ASAH1: variants seen among roughly 807,000 people sequenced by gnomAD.
The protein encoded by ASAH1 is N-acylsphingosine amidohydrolase 1, also known as acid ceramidase.
A neutral mutation model predicts 59.5 loss-of-function variants in ASAH1; 70 were observed. The ratio of observed to expected loss-of-function variants is 1.18; its 90% CI spans 0.97 to 1.43. The LOEUF (loss-of-function observed/expected upper bound fraction) is 1.43, where lower values mean the gene tolerates loss of function less well. Ranked by LOEUF, ASAH1 falls within the 40% of genes most tolerant of loss-of-function variation. The probability of loss-of-function intolerance (pLI) is 0.00; values close to 1 mark genes in which losing one functional copy is unlikely to be tolerated. For synonymous variants in ASAH1, 213 were observed against 166.5 expected (o/e 1.28, Z -2.15); for missense variants, 660 against 482.5 (o/e 1.37, Z -3.45).
At position 18,084,104 on chromosome 8, in the gene ASAH1, G is replaced by A. The variant is rs373344409; in HGVS notation, c.-46C>T. 19 of 1,594,654 alleles carry A rather than the reference G, an allele frequency of 1.2e-5. No individual in the cohort carries two copies. Among genetic ancestry groups the A allele is most frequent in the Non-Finnish European group, 1.4e-5 (17 of 1,178,220 alleles). On this transcript the variant is annotated 5_prime_UTR_variant, in exon 1 of 14. Coordinates refer to ENST00000637790, the MANE Select transcript of ASAH1 (RefSeq NM_177924.5). Reference sequence around the variant, plus strand: ...CTCCCCGGACTCCAGCAGAGGCAAAGAAGAGCCGGCTGGGCCGGGGGCAGG... The same window carrying A: ...CTCCCCGGACTCCAGCAGAGGCAAAAAAGAGCCGGCTGGGCCGGGGGCAGG...
upstream of ASAH1, chr8:18,084,373 A>G: frequency 7.1e-7 from 1 of 1,404,022 alleles, no homozygotes; most frequent in Non-Finnish European, 9.3e-7. Context: ...ACCGAGCCGG[A>G]GCCCCGCCCC....
At position 18,056,153 on chromosome 8, in the gene ASAH1, T is replaced by G. The variant is rs1402520500; in HGVS notation, c.*1381A>C. On this transcript the variant is annotated 3_prime_UTR_variant, in exon 14 of 14. Coordinates refer to ENST00000637790, the MANE Select transcript of ASAH1 (RefSeq NM_177924.5). ...ATTTTAATGTAAATCCTCTTATAAT[T>G]CCTCGTTTCACTAAAGTAATCTTGG... 6.6e-6 allele frequency: 1 copy of G among 152,228 alleles called. No individual in the cohort carries two copies. The highest frequency in any genetic ancestry group is 1.5e-5 in the Non-Finnish European group (1 of 68,036). 9.4% of individuals were successfully genotyped at this position (152,228 alleles called of 1,614,324 possible). A position where few individuals can be genotyped will look rare whatever the true frequency, so the allele number is the denominator to read the frequency against.
At position 18,057,194 on chromosome 8, in the gene ASAH1, C is replaced by T. The variant is rs1799504595; in HGVS notation, c.*340G>A. On this transcript the variant is annotated 3_prime_UTR_variant, in exon 14 of 14. Transcript: ENST00000637790. ...ACTCACACAGACGTGCTGGATTCAA[C>T]ACCCACGCTGAATCTCCATTTATTC... 1 of 295,190 alleles carries T rather than the reference C, an allele frequency of 3.4e-6. No individual in the cohort carries two copies. Among genetic ancestry groups the T allele is most frequent in the Non-Finnish European group, 6.8e-6 (1 of 148,090 alleles). 18.3% of individuals were successfully genotyped at this position (295,190 alleles called of 1,614,324 possible). A position where few individuals can be genotyped will look rare whatever the true frequency, so the allele number is the denominator to read the frequency against.
chr8:18,067,146 T>G, intron 5 of ASAH1, 74 bp downstream of exon 5: 1 of 1,261,312 alleles, frequency 7.9e-7, no homozygotes, highest in Non-Finnish European at 1.1e-6. Context: ...GTGCTGTATG[T>G]ATATCACACC....
At chr8:18,062,070 T>G in intron 8 of ASAH1, 1 of 679,044 alleles carries the variant, frequency 1.5e-6, no homozygotes, top group Non-Finnish European at 2.5e-6. Flanking sequence ...CCACATGCTC[T>G]TTATCCCAGA....
intron 6 of ASAH1, chr8:18,063,534 G>T (rs1799800952): frequency 7.1e-6 from 2 of 280,180 alleles, no homozygotes; most frequent in Admixed American, 1.0e-4. Flanking sequence ...GGCCAGTCTG[G>T]TGTCAAACTC....
At chr8:18,075,347 G>A (rs371161378) in intron 2 of ASAH1, 194 bp downstream of exon 2, 58 of 706,720 alleles carry the variant, frequency 8.2e-5, no homozygotes, top group East Asian at 1.6e-4. Flanking sequence ...CATTTGAATC[G>A]GAAGATATTT....
intron 1 of ASAH1, among the ~76,000 whole-genome samples, chr8:18,080,042 C>T (rs1215907176): frequency 1.3e-5 from 2 of 152,184 alleles, no homozygotes; most frequent in African/African-American, 4.8e-5. Flanking sequence ...AGTAGGCAAG[C>T]AGTATTTGTT....
chr8:18,071,567 C>G lies in ASAH1; in HGVS notation c.126-177G>C, dbSNP rs535036907. ...CTACCTAGTGCTTCTAGGTTGAGAA[C>G]ACAATCATAAGCGGTCACAGAAATC... On this transcript the variant is annotated intron_variant, in intron 2 of 13. Coordinates refer to ENST00000637790, the MANE Select transcript of ASAH1 (RefSeq NM_177924.5). 2.1e-3 allele frequency among the ~76,000 whole-genome samples: 315 copies of G among 152,060 alleles called. 4 individuals are homozygous for G. In the South Asian group the frequency reaches 0.024, roughly 12 times the overall value.
chr8:18,074,524 A>G (rs939516954), intron 2 of ASAH1, among the ~76,000 whole-genome samples: 1 of 152,226 alleles, frequency 6.6e-6, no homozygotes, highest in Non-Finnish European at 1.5e-5. Context: ...ATCACTAGAT[A>G]GAGTTGTACT....
intron 10 of ASAH1, chr8:18,060,423 G>A (rs1156390298): frequency 1.3e-5 from 2 of 152,680 alleles, no homozygotes; most frequent in African/African-American, 4.8e-5. Context: ...GAAACAAAGT[G>A]GCCTCAAGAG....
chr8:18,073,147 A>C, intron 2 of ASAH1: 2 of 1,061,596 alleles, frequency 1.9e-6, no homozygotes, highest in South Asian at 1.5e-5. Flanking sequence ...TTAATGACTA[A>C]AGCTTAGCCA....
At chr8:18,079,803 T>C (rs183723757) in intron 1 of ASAH1, among the ~76,000 whole-genome samples, 3 of 152,266 alleles carry the variant, frequency 2.0e-5, no homozygotes, top group Admixed American at 1.3e-4. Flanking sequence ...TGTCCTCTTA[T>C]GTACAACTCA....
intron 2 of ASAH1, among the ~76,000 whole-genome samples, chr8:18,072,531 T>C (rs1245229186): frequency 6.6e-6 from 1 of 152,148 alleles, no homozygotes; most frequent in Non-Finnish European, 1.5e-5. Flanking sequence ...ATTTTGGAAA[T>C]GTACATTTAA....
intron 4 of ASAH1, chr8:18,068,709 C>T (rs1266934163): frequency 1.3e-5 from 2 of 152,058 alleles, no homozygotes; most frequent in Admixed American, 1.3e-4. Flanking sequence ...AAAAGAGACA[C>T]CCACCCCAGG....
chr8:18,075,590 G>A lies in ASAH1; in HGVS notation c.79-3C>T, dbSNP rs35513736. 145,401 of 1,612,940 alleles carry A rather than the reference G, an allele frequency of 0.09. 7,508 individuals carry two copies. Among genetic ancestry groups the A allele is most frequent in the Admixed American group, 0.15 (9,063 of 60,006 alleles). ...GATTTTCTGCAGTCCTCTGTCCACT[G>A]AAAAGCAAAGAAAATTAAGTTTCAG... On this transcript the variant is annotated splice_region_variant and splice_polypyrimidine_tract_variant and intron_variant, in intron 1 of 13. Transcript: ENST00000637790.
chr8:18,084,411 G>T (rs1033580864), upstream of ASAH1: 3 of 1,394,200 alleles, frequency 2.2e-6, no homozygotes, highest in Non-Finnish European at 2.8e-6. Flanking sequence ...CTTCACCCGT[G>T]GCGCCTCGAT....
chr8:18,063,276 C>A (rs980822276), intron 6 of ASAH1, 46 bp from the exon 7 acceptor site: 1 of 1,508,048 alleles, frequency 6.6e-7, no homozygotes, highest in Middle Eastern at 1.7e-4. Flanking sequence ...AGTTAAGATT[C>A]TAAATCAAAG....
chr8:18,079,356 T>A (rs573125994), intron 1 of ASAH1, among the ~76,000 whole-genome samples: 1 of 152,028 alleles, frequency 6.6e-6, no homozygotes, highest in Non-Finnish European at 1.5e-5. Context: ...TTTTTCTGGT[T>A]ATTTGATAGA....
Sources: allele counts gnomAD v4.1 joint callset (sites outside exome capture counted in the v4.1 genomes callset), GRCh38; gene constraint gnomAD v4.1.1; transcripts MANE v1.5; gene names NCBI Gene and HGNC (gene_info 2026-07-23, HGNC 2026-07-21).